Variants in LRP1B observed in about 807,000 individuals in gnomAD.
LRP1B encodes LDL receptor related protein 1B, also known as low-density lipoprotein receptor-related protein 1B.
A neutral mutation model predicts 556.6 loss-of-function variants in LRP1B; 217 were observed. The observed-to-expected ratio is 0.39, with a 90% CI of 0.35 to 0.44. LRP1B has a LOEUF of 0.44. LRP1B is among the 20% of genes least tolerant of loss of function. LRP1B has a pLI of 1.00. For synonymous variants in LRP1B, 2,047 were observed against 1,865.8 expected, an observed-to-expected ratio of 1.10 and a Z score of -2.50; for missense variants, 5,053 against 5,620.8, an observed-to-expected ratio of 0.90 and a Z score of 3.23.
intron 41 of LRP1B, among the ~76,000 whole-genome samples, chr2:140,682,981 C>T (rs1405516305): frequency 6.6e-6 from 1 of 152,064 alleles, no homozygotes; most frequent in Non-Finnish European, 1.5e-5. Context: ...AAAGAAAACC[C>T]TTCATTAGAG....
chr2:141,917,367 T>C (rs1414906116), intron 1 of LRP1B, among the ~76,000 whole-genome samples: 7 of 152,238 alleles, frequency 4.6e-5, no homozygotes. Context: ...GGTGTGTAGA[T>C]ACTACAAGTA....
At chr2:140,772,945 C>T (rs1052204036) in intron 33 of LRP1B, among the ~76,000 whole-genome samples, 1 of 151,856 alleles carries the variant, frequency 6.6e-6, no homozygotes, top group African/African-American at 2.4e-5. Context: ...ACTGAAAAAA[C>T]AAAAATTAGC....
intron 3 of LRP1B, among the ~76,000 whole-genome samples, chr2:141,358,375 ACC>A (rs1688700432): frequency 6.6e-6 from 1 of 152,180 alleles, no homozygotes; most frequent in Non-Finnish European, 1.5e-5. Flanking sequence ...AAAAGTGCAA[ACC>A]TTGATGGACT....
At chr2:140,924,314 G>A (rs1396767223) in intron 20 of LRP1B, among the ~76,000 whole-genome samples, 1 of 151,864 alleles carries the variant, frequency 6.6e-6, no homozygotes, top group Non-Finnish European at 1.5e-5. Context: ...GCATCAACAG[G>A]GTTGATGTGA....
At chr2:141,346,994 G>A (rs754438572) in intron 3 of LRP1B, among the ~76,000 whole-genome samples, 1 of 151,524 alleles carries the variant, frequency 6.6e-6, no homozygotes, top group Non-Finnish European at 1.5e-5. Context: ...TCTTTAACCG[G>A]AATAAAAATT....
intron 3 of LRP1B, among the ~76,000 whole-genome samples, chr2:141,435,620 G>A (rs1482518302): frequency 6.6e-6 from 1 of 152,204 alleles, no homozygotes; most frequent in East Asian, 1.9e-4. Context: ...GGGATTTGCT[G>A]TTTACTGAGT....
At chr2:141,689,997 G>A (rs954824732) in intron 2 of LRP1B, among the ~76,000 whole-genome samples, 1 of 151,712 alleles carries the variant, frequency 6.6e-6, no homozygotes, top group Non-Finnish European at 1.5e-5. Context: ...CTTTAATTTT[G>A]AAAAGGTTAC....
chr2:141,576,518 G>A (rs1302815096), intron 2 of LRP1B, among the ~76,000 whole-genome samples: 2 of 152,188 alleles, frequency 1.3e-5, no homozygotes, highest in East Asian at 3.9e-4. Context: ...CATGACACAT[G>A]TATATCTATG....
intron 7 of LRP1B, among the ~76,000 whole-genome samples, chr2:141,147,894 G>A (rs1040155021): frequency 6.6e-6 from 1 of 152,096 alleles, no homozygotes; most frequent in African/African-American, 2.4e-5. Flanking sequence ...ATACACAAAT[G>A]CTTCTCGTTG....
At chr2:141,586,885 T>C (rs1187363891) in intron 2 of LRP1B, among the ~76,000 whole-genome samples, 2 of 143,828 alleles carry the variant, frequency 1.4e-5, no homozygotes, top group African/African-American at 5.2e-5. Flanking sequence ...GAGCTTGCAG[T>C]GAGCCGAGAT....
At chr2:141,004,064 A>T (rs1179218901) in intron 15 of LRP1B, among the ~76,000 whole-genome samples, 1 of 152,112 alleles carries the variant, frequency 6.6e-6, no homozygotes, top group Non-Finnish European at 1.5e-5. Context: ...AAGAGATAAG[A>T]TGTTATTGAT....
intron 7 of LRP1B, among the ~76,000 whole-genome samples, chr2:141,145,732 C>T (rs1047228077): frequency 6.6e-6 from 1 of 151,636 alleles, no homozygotes; most frequent in Admixed American, 6.6e-5. Flanking sequence ...CGGGTTTCAT[C>T]GTGTTGGTCA....
At position 141,186,311 on chromosome 2, in the gene LRP1B, G is replaced by A. The variant is rs190187520; in HGVS notation, c.1013+2110C>T. Among the ~76,000 whole-genome samples, 183 of 148,744 alleles carry A rather than the reference G, an allele frequency of 1.2e-3. 1 individual carries two copies. Among genetic ancestry groups the A allele is most frequent in the African/African-American group, 3.5e-3 (143 of 41,248 alleles). On this transcript the variant is annotated intron_variant, in intron 7 of 90. Coordinates refer to ENST00000389484, the MANE Select transcript of LRP1B (RefSeq NM_018557.3). Reference sequence around the variant, plus strand: ...GGAAAACCTAGGAGGAATTTTAGGCGCAGAACATTTCCCCTTTAGTAGGTC... The same window carrying A: ...GGAAAACCTAGGAGGAATTTTAGGCACAGAACATTTCCCCTTTAGTAGGTC...
intron 21 of LRP1B, among the ~76,000 whole-genome samples, chr2:140,913,178 T>C (rs1694473093): frequency 6.6e-6 from 1 of 151,962 alleles, no homozygotes; most frequent in Non-Finnish European, 1.5e-5. Flanking sequence ...TTTATTTCTC[T>C]AACAGTGTTT....
At chr2:141,282,802 A>C (rs1479415387) in intron 3 of LRP1B, among the ~76,000 whole-genome samples, 1 of 152,174 alleles carries the variant, frequency 6.6e-6, no homozygotes, top group East Asian at 1.9e-4. Flanking sequence ...AGCATGAGCA[A>C]AACATGTAAA....
chr2:141,473,803 T>C (rs1466149193), intron 3 of LRP1B, among the ~76,000 whole-genome samples: 1 of 137,706 alleles, frequency 7.3e-6, no homozygotes, highest in African/African-American at 2.8e-5. Flanking sequence ...ACTATAACAT[T>C]GCAAGTGTTA....
Position 140,385,984 on chromosome 2 carries a change from T to C in LRP1B, c.10440A>G (p.Glu3480=). 3.1e-6 allele frequency: 5 copies of C among 1,612,760 alleles called. No individual in the cohort carries two copies. Among genetic ancestry groups the C allele is most frequent in the Non-Finnish European group, 4.2e-6 (5 of 1,178,878 alleles). The change falls in exon 67 of 91, where the codon GAA becomes GAG. Residue 3480 remains glutamate, a synonymous_variant. Coordinates refer to ENST00000389484, the MANE Select transcript of LRP1B (RefSeq NM_018557.3). The part of the protein sequence containing the change: ...NCDKKTCGPH[E]FQCKNNNCIP... ...TACAGTTGTTGTTTTTACACTGGAA[T>C]TCATGAGGTCCACAAGTCTTTTTAT...
chr2:140,724,322 A>C (rs1687514872), intron 35 of LRP1B, among the ~76,000 whole-genome samples: 1 of 152,100 alleles, frequency 6.6e-6, no homozygotes, highest in African/African-American at 2.4e-5. Context: ...TCATCTCTAT[A>C]AAAAAATAAA....
At chr2:141,002,804 A>G (rs186418131) in intron 15 of LRP1B, among the ~76,000 whole-genome samples, 26 of 152,178 alleles carry the variant, frequency 1.7e-4, no homozygotes, top group Admixed American at 1.5e-3. Context: ...AAGTAGTGAA[A>G]CAGTGATCTA....
Sources: allele counts gnomAD v4.1 joint callset (sites outside exome capture counted in the v4.1 genomes callset), GRCh38; gene constraint gnomAD v4.1.1; transcripts MANE v1.5; gene names NCBI Gene and HGNC (gene_info 2026-07-23, HGNC 2026-07-21).